Variants in GNG12 observed in about 807,000 individuals in gnomAD.
GNG12 encodes guanine nucleotide-binding protein G(I)/G(S)/G(O) subunit gamma-12.
For synonymous variants in GNG12, 28 were observed against 29.7 expected (o/e 0.94, Z 0.19); for missense variants, 69 against 83.8 (o/e 0.82, Z 0.69).
intron 2 of GNG12, among the ~76,000 whole-genome samples, chr1:67,710,010 A>G (rs1211931806): frequency 1.0e-4 from 5 of 48,186 alleles, no homozygotes; most frequent in Non-Finnish European, 1.5e-4. Context: ...TTATATATAT[A>G]GTTATATATA....
chr1:67,791,590 T>C (rs965813044), intron 1 of GNG12, among the ~76,000 whole-genome samples: 1 of 152,086 alleles, frequency 6.6e-6, no homozygotes, highest in Admixed American at 6.6e-5. Context: ...CATTTTTGGC[T>C]CCTTTCTCAC....
intron 2 of GNG12, among the ~76,000 whole-genome samples, chr1:67,736,764 C>CTAGGGGAGT (rs1570499819): frequency 6.6e-6 from 1 of 152,248 alleles, no homozygotes; most frequent in East Asian, 1.9e-4. Context: ...TGATTAAAAC[C>CTAGGGGAGT]TAGGGGAGTG....
intron 2 of GNG12, among the ~76,000 whole-genome samples, chr1:67,719,963 C>A (rs542274705): frequency 6.6e-6 from 1 of 152,304 alleles, no homozygotes; most frequent in Non-Finnish European, 1.5e-5. Flanking sequence ...CATCAGCCAG[C>A]CTGAGTCTCG....
intron 1 of GNG12, among the ~76,000 whole-genome samples, chr1:67,782,132 T>C (rs1646740893): frequency 6.6e-6 from 1 of 152,144 alleles, no homozygotes; most frequent in Non-Finnish European, 1.5e-5. Flanking sequence ...TAAAAGGGCT[T>C]TTGACACACA....
chr1:67,771,698 G>A (rs534899878), intron 2 of GNG12, among the ~76,000 whole-genome samples: 5 of 152,302 alleles, frequency 3.3e-5, no homozygotes, highest in East Asian at 3.9e-4. Context: ...AGACACAGGC[G>A]ACAGGAAAAA....
chr1:67,710,154 A>ATATATATATAGTTATATATATATAGT (rs1557592353), intron 2 of GNG12, among the ~76,000 whole-genome samples: 3 of 8,218 alleles, frequency 3.7e-4, no homozygotes, highest in African/African-American at 6.4e-4. Flanking sequence ...ATATATAGTT[A>ATATATATATAGTTATATATATATAGT]TATATATATA....
intron 1 of GNG12, among the ~76,000 whole-genome samples, chr1:67,797,395 TGCTTC>T (rs1356777183): frequency 1.3e-5 from 2 of 152,164 alleles, no homozygotes; most frequent in African/African-American, 4.8e-5. Context: ...TCTCCCAAAA[TGCTTC>T]ACCAAGTACC....
At chr1:67,802,653 T>TGTC (rs1646873049) in intron 1 of GNG12, among the ~76,000 whole-genome samples, 1 of 152,180 alleles carries the variant, frequency 6.6e-6, no homozygotes, top group Non-Finnish European at 1.5e-5. Context: ...GAGGCAGTAG[T>TGTC]GTCCCAGGCT....
At chr1:67,813,504 T>G (rs936744006) in intron 1 of GNG12, among the ~76,000 whole-genome samples, 2 of 152,212 alleles carry the variant, frequency 1.3e-5, no homozygotes, top group Non-Finnish European at 2.9e-5. Context: ...CCAAGGAAAC[T>G]GGAACAATTC....
At chr1:67,783,997 C>T (rs1219978095) in intron 1 of GNG12, among the ~76,000 whole-genome samples, 1 of 151,142 alleles carries the variant, frequency 6.6e-6, no homozygotes, top group Non-Finnish European at 1.5e-5. Context: ...AATCATGCTG[C>T]TATAAAGACA....
chr1:67,813,343 A>G (rs1002616049), intron 1 of GNG12, among the ~76,000 whole-genome samples: 10 of 152,212 alleles, frequency 6.6e-5, no homozygotes, highest in African/African-American at 2.4e-4. Context: ...ACCTACACCT[A>G]CATGATAAAT....
chr1:67,814,153 T>C (rs1342634911), intron 1 of GNG12, among the ~76,000 whole-genome samples: 5 of 152,072 alleles, frequency 3.3e-5, no homozygotes, highest in Non-Finnish European at 7.4e-5. Context: ...TAAAACATCA[T>C]TAGAAAACAT....
intron 2 of GNG12, among the ~76,000 whole-genome samples, chr1:67,722,329 T>C (rs1004808206): frequency 6.6e-6 from 1 of 152,148 alleles, no homozygotes; most frequent in Non-Finnish European, 1.5e-5. Flanking sequence ...GAGAAGAGTG[T>C]GTACAGCTCG....
intron 1 of GNG12, among the ~76,000 whole-genome samples, chr1:67,784,505 G>A (rs1263041050): frequency 1.4e-5 from 2 of 144,034 alleles, no homozygotes; most frequent in Non-Finnish European, 3.1e-5. Flanking sequence ...AAAGCAGTTT[G>A]CCAATTTCTA....
chr1:67,713,003 A>C (rs898299792), intron 2 of GNG12, among the ~76,000 whole-genome samples: 2 of 152,160 alleles, frequency 1.3e-5, no homozygotes, highest in African/African-American at 4.8e-5. Context: ...TGCTGGGATT[A>C]CAGGCATGAG....
intron 2 of GNG12, among the ~76,000 whole-genome samples, chr1:67,761,507 T>C (rs1177205034): frequency 1.3e-5 from 2 of 152,084 alleles, no homozygotes; most frequent in African/African-American, 4.8e-5. Flanking sequence ...TCCAGGCAAA[T>C]GGTTCAATGA....
At chr1:67,771,521 T>G (rs1570534078) in intron 2 of GNG12, among the ~76,000 whole-genome samples, 1 of 152,356 alleles carries the variant, frequency 6.6e-6, no homozygotes, top group Non-Finnish European at 1.5e-5. Flanking sequence ...GAAAGGGACT[T>G]GGGTCCTATC....
At chr1:67,739,407 T>C (rs559661894) in intron 2 of GNG12, among the ~76,000 whole-genome samples, 115 of 152,312 alleles carry the variant, frequency 7.6e-4, no homozygotes, top group African/African-American at 2.8e-3. Context: ...ACCGGTATGA[T>C]CTTCACTCAA....
intron 1 of GNG12, among the ~76,000 whole-genome samples, chr1:67,819,378 A>C (rs1419248531): frequency 2.0e-5 from 3 of 152,206 alleles, no homozygotes; most frequent in South Asian, 2.1e-4. Context: ...GTTGTGTCTT[A>C]GGAAAATTCT....
Sources: gnomAD v4.1 joint callset for allele counts (sites outside exome capture counted in the v4.1 genomes callset) on GRCh38, gnomAD v4.1.1 for gene constraint, MANE v1.5 for transcripts, NCBI Gene and HGNC (gene_info 2026-07-23, HGNC 2026-07-21) for gene names.